FOXP1: variants seen among roughly 807,000 people sequenced by gnomAD.
FOXP1 encodes the protein forkhead box P1, also known as forkhead box protein P1.
Under a neutral mutation model 98.2 loss-of-function variants are expected in FOXP1, and 15 were observed. That is an observed-to-expected ratio of 0.15 (90% confidence interval 0.10 to 0.24). The LOEUF is 0.24. FOXP1 is among the 10% of genes least tolerant of loss of function. The pLI is 1.00. For synonymous variants in FOXP1, 371 were observed against 314.5 expected (o/e 1.18, Z -1.90); for missense variants, 633 against 848.5 (o/e 0.75, Z 3.15).
intron 6 of FOXP1, among the ~76,000 whole-genome samples, chr3:71,166,381 C>T (rs567914632): frequency 1.8e-4 from 28 of 152,342 alleles, no homozygotes; most frequent in Non-Finnish European, 3.4e-4. Flanking sequence ...CAAAGATTCA[C>T]GCAGTTCCAT....
chr3:71,195,269 T>C (rs571011734), intron 6 of FOXP1, among the ~76,000 whole-genome samples: 23 of 152,284 alleles, frequency 1.5e-4, no homozygotes, highest in Middle Eastern at 3.4e-3. Context: ...GTGCACTCCA[T>C]AGTGAATCTT....
intron 3 of FOXP1, among the ~76,000 whole-genome samples, chr3:71,379,535 A>C (rs2079983856): frequency 6.6e-6 from 1 of 152,198 alleles, no homozygotes; most frequent in South Asian, 2.1e-4. Context: ...TCCACGGGCC[A>C]AACCCAACCT....
intron 3 of FOXP1, among the ~76,000 whole-genome samples, chr3:71,428,250 GA>G (rs1239223257): frequency 1.3e-5 from 2 of 152,170 alleles, no homozygotes; most frequent in African/African-American, 4.8e-5. Flanking sequence ...TGAAGATCAG[GA>G]AGATATTATG....
intron 6 of FOXP1, among the ~76,000 whole-genome samples, chr3:71,137,037 T>C (rs557668061): frequency 1.1e-4 from 16 of 152,320 alleles, no homozygotes; most frequent in African/African-American, 3.4e-4. Context: ...CCATTAGCAT[T>C]AGCAGGATGA....
chr3:71,538,065 T>C (rs190224487), intron 2 of FOXP1, among the ~76,000 whole-genome samples: 1 of 152,318 alleles, frequency 6.6e-6, no homozygotes, highest in East Asian at 1.9e-4. Context: ...TATCTGGCCC[T>C]TTACAGAAAT....
chr3:71,002,201 T>C (rs17652341), intron 12 of FOXP1, among the ~76,000 whole-genome samples: 5,849 of 152,314 alleles, frequency 0.038, 190 homozygotes, highest in Non-Finnish European at 0.055. Flanking sequence ...CCTTTGTTAA[T>C]GCATCCCCTC....
intron 6 of FOXP1, among the ~76,000 whole-genome samples, chr3:71,172,267 G>A (rs868457305): frequency 1.3e-5 from 2 of 152,126 alleles, no homozygotes; most frequent in Non-Finnish European, 2.9e-5. Context: ...TGGAAAAATA[G>A]AATATGCCTG....
chr3:71,555,215 T>C (rs1207190885), intron 2 of FOXP1, among the ~76,000 whole-genome samples: 1 of 152,214 alleles, frequency 6.6e-6, no homozygotes, highest in Non-Finnish European at 1.5e-5. Context: ...TTATTTCAGA[T>C]AAATTTCATG....
Position 71,411,316 on chromosome 3 carries a change from TGTATGTGTGTGTGTGA to T in FOXP1, c.-167-52088_-167-52073del, listed in dbSNP as rs1227697852. ...GTGTGTGTGTGTGTGTGTGTGTGTG[TGTATGTGTGTGTGTGA>T]GTGACGGAGTCTTGCTCTGTCACCC... On this transcript the variant is annotated intron_variant, in intron 3 of 20. Transcript: ENST00000649528. 7.6e-3 allele frequency among the ~76,000 whole-genome samples: 1,047 copies of T among 137,300 alleles called. 15 individuals carry two copies. The highest frequency in any genetic ancestry group is 0.029 in the African/African-American group (991 of 33,738). The allele number at this position is 137,300 out of a possible 152,430, so 90.1% of individuals were successfully genotyped here.
intron 2 of FOXP1, among the ~76,000 whole-genome samples, chr3:71,495,243 G>A (rs1234149690): frequency 1.3e-5 from 2 of 152,132 alleles, no homozygotes; most frequent in Non-Finnish European, 2.9e-5. Flanking sequence ...CTGGGACTTA[G>A]GGACAAAGGC....
intron 3 of FOXP1, among the ~76,000 whole-genome samples, chr3:71,446,896 T>A: frequency 6.6e-6 from 1 of 152,264 alleles, no homozygotes; most frequent in East Asian, 1.9e-4. Flanking sequence ...GGACACGCTT[T>A]CCATCAGGGT....
At chr3:71,367,460 T>C (rs1342517439) in intron 3 of FOXP1, among the ~76,000 whole-genome samples, 1 of 152,158 alleles carries the variant, frequency 6.6e-6, no homozygotes, top group African/African-American at 2.4e-5. Flanking sequence ...TTGACCTCTC[T>C]GGCCTCCCGC....
intron 6 of FOXP1, among the ~76,000 whole-genome samples, chr3:71,162,485 T>C (rs928391211): frequency 6.6e-6 from 1 of 152,246 alleles, no homozygotes; most frequent in African/African-American, 2.4e-5. Flanking sequence ...AATGTTAAGA[T>C]GGTTAAGACT....
chr3:71,198,432 G>GGGGGGGGGGGGCCCCCCCCCCGCC, intron 5 of FOXP1, 40 bp from the exon 6 acceptor site: 1 of 491,034 alleles, frequency 2.0e-6, no homozygotes, highest in Non-Finnish European at 4.0e-6. Context: ...GGGAGGGGGG[G>GGGGGGGGGGGGCCCCCCCCCCGCC]AGAAAAAAAA....
chr3:71,124,567 A>ACTATTACAATTGATACACTT (rs2059019169), intron 6 of FOXP1, among the ~76,000 whole-genome samples: 1 of 151,856 alleles, frequency 6.6e-6, no homozygotes, highest in Admixed American at 6.6e-5. Flanking sequence ...CTTATAATAC[A>ACTATTACAATTGATACACTT]GCATGATGTA....
chr3:70,983,449 G>T (rs906366283), intron 14 of FOXP1, among the ~76,000 whole-genome samples: 5 of 152,066 alleles, frequency 3.3e-5, no homozygotes, highest in African/African-American at 1.2e-4. Flanking sequence ...TCTTTTCGGG[G>T]GGGCACTTTG....
intron 2 of FOXP1, among the ~76,000 whole-genome samples, chr3:71,555,297 T>C (rs184624112): frequency 2.4e-3 from 364 of 152,294 alleles, no homozygotes; most frequent in Non-Finnish European, 2.6e-3. Context: ...CCTAGCCACT[T>C]ACACCAGAGC....
chr3:71,015,698 A>G, intron 11 of FOXP1, 45 bp from the exon 12 acceptor site: 1 of 1,357,278 alleles, frequency 7.4e-7, no homozygotes, highest in South Asian at 1.2e-5. Flanking sequence ...TTTGCTGCCA[A>G]GAACCATTCC....
At chr3:71,437,426 A>G (rs2108433939) in intron 3 of FOXP1, among the ~76,000 whole-genome samples, 1 of 152,222 alleles carries the variant, frequency 6.6e-6, no homozygotes, top group African/African-American at 2.4e-5. Context: ...ACAAAACAAA[A>G]CAAAACAAAC....
Sources: gnomAD v4.1 joint callset for allele counts (sites outside exome capture counted in the v4.1 genomes callset) on GRCh38, gnomAD v4.1.1 for gene constraint, MANE v1.5 for transcripts, NCBI Gene and HGNC (gene_info 2026-07-23, HGNC 2026-07-21) for gene names.